FUT9: variants seen among roughly 807,000 people sequenced by gnomAD.
The protein encoded by FUT9 is fucosyltransferase 9.
FUT9 carries 15 observed loss-of-function variants against 29.7 expected under a neutral mutation model. The observed-to-expected ratio is 0.51, with a 90% confidence interval of 0.34 to 0.78. FUT9 has a LOEUF of 0.78. FUT9 is among the 30% of genes least tolerant of loss of function. The pLI is 0.01. For synonymous variants in FUT9, 169 were observed against 153.7 expected, an observed-to-expected ratio of 1.10 and a Z score of -0.74; for missense variants, 319 against 425.4, an observed-to-expected ratio of 0.75 and a Z score of 2.20.
intron 2 of FUT9, among the ~76,000 whole-genome samples, chr6:96,130,386 C>T (rs905976981): frequency 1.9e-4 from 29 of 151,930 alleles, no homozygotes; most frequent in African/African-American, 7.0e-4. Context: ...ATTAATAATG[C>T]CATTAGTTAT....
At chr6:96,159,788 C>T (rs530407592) in intron 2 of FUT9, among the ~76,000 whole-genome samples, 34 of 152,204 alleles carry the variant, frequency 2.2e-4, no homozygotes, top group Non-Finnish European at 3.8e-4. Flanking sequence ...CTCATATCAA[C>T]AGGATTCTAA....
intron 1 of FUT9, among the ~76,000 whole-genome samples, chr6:96,060,952 G>C (rs1770863528): frequency 6.6e-6 from 1 of 152,138 alleles, no homozygotes; most frequent in Non-Finnish European, 1.5e-5. Flanking sequence ...GTTTAAGAGA[G>C]TAAATCTGTT....
At chr6:96,173,943 GTTGA>G (rs903954510) in intron 2 of FUT9, among the ~76,000 whole-genome samples, 6 of 151,892 alleles carry the variant, frequency 4.0e-5, no homozygotes, top group Non-Finnish European at 4.4e-5. Flanking sequence ...ATTTATTTGT[GTTGA>G]TTGTTTTTTA....
chr6:96,209,873 T>C lies in FUT9; in HGVS notation c.*5638T>C, dbSNP rs1773901603. The C allele has an allele frequency of 1.2e-5, 2 of 166,488 alleles. No individual in the cohort carries two copies. The highest frequency in any genetic ancestry group is 2.9e-5 in the Non-Finnish European group (2 of 68,046). The allele number at this position is 166,488 out of a possible 1,614,324, so 10.3% of individuals were successfully genotyped here. A position where few individuals can be genotyped will look rare whatever the true frequency, so the allele number is the denominator to read the frequency against. The stretch of plus-strand genomic sequence containing the variant: ...GCCATGAAATTAGAATTTCTTCAAA[T>C]AATCCATGCCCCCCCGTCACCCAAA... On this transcript the variant is annotated 3_prime_UTR_variant, in exon 3 of 3. Transcript: ENST00000302103.
intron 1 of FUT9, among the ~76,000 whole-genome samples, chr6:96,074,690 A>G (rs1413793445): frequency 1.3e-5 from 2 of 152,194 alleles, no homozygotes; most frequent in Non-Finnish European, 2.9e-5. Flanking sequence ...AATTACCTTT[A>G]TCTCTAAAAC....
At chr6:96,016,602 T>A (rs1769983648) in intron 1 of FUT9, among the ~76,000 whole-genome samples, 1 of 152,130 alleles carries the variant, frequency 6.6e-6, no homozygotes. Flanking sequence ...TCACCCGATC[T>A]CGCGCTGACA....
chr6:96,070,274 G>GA (rs1184216317), intron 1 of FUT9, among the ~76,000 whole-genome samples: 3 of 152,062 alleles, frequency 2.0e-5, no homozygotes, highest in Non-Finnish European at 4.4e-5. Context: ...TTGAAATACA[G>GA]AAAAAAGACA....
chr6:96,028,976 C>T (rs1770215096), intron 1 of FUT9, among the ~76,000 whole-genome samples: 1 of 151,470 alleles, frequency 6.6e-6, no homozygotes. Context: ...GAAAGACTAT[C>T]AATCCCACCA....
At chr6:96,171,873 T>C (rs1246159405) in intron 2 of FUT9, among the ~76,000 whole-genome samples, 1 of 152,182 alleles carries the variant, frequency 6.6e-6, no homozygotes, top group Admixed American at 6.5e-5. Context: ...TTGAATTACC[T>C]AGCAGAATAA....
intron 1 of FUT9, among the ~76,000 whole-genome samples, chr6:96,099,411 T>C (rs971107002): frequency 6.6e-6 from 1 of 152,184 alleles, no homozygotes; most frequent in Non-Finnish European, 1.5e-5. Flanking sequence ...GTACATGCTA[T>C]TATGATTATT....
intron 2 of FUT9, among the ~76,000 whole-genome samples, chr6:96,129,264 C>CAAA (rs869216525): frequency 2.3e-4 from 3 of 13,314 alleles, no homozygotes; most frequent in African/African-American, 6.3e-4. Context: ...GACTCTGTCT[C>CAAA]AAAAAAAAAA....
intron 1 of FUT9, among the ~76,000 whole-genome samples, chr6:96,032,177 A>C (rs946396687): frequency 2.0e-5 from 3 of 151,672 alleles, no homozygotes; most frequent in African/African-American, 7.3e-5. Flanking sequence ...GATAATCTAC[A>C]GGAGAAATGT....
intron 1 of FUT9, among the ~76,000 whole-genome samples, chr6:96,107,454 G>A (rs1294653700): frequency 2.0e-5 from 3 of 152,130 alleles, no homozygotes; most frequent in Non-Finnish European, 4.4e-5. Flanking sequence ...GCTTTAGGAA[G>A]AATGTACAAG....
At chr6:96,049,439 G>A (rs1369075920) in intron 1 of FUT9, among the ~76,000 whole-genome samples, 3 of 152,226 alleles carry the variant, frequency 2.0e-5, no homozygotes, top group Non-Finnish European at 2.9e-5. Context: ...AATAAAGGAA[G>A]TATATCTTAG....
At chr6:96,120,591 CTTTTTTTTTTTT>C (rs57515226) in intron 2 of FUT9, among the ~76,000 whole-genome samples, 2 of 55,312 alleles carry the variant, frequency 3.6e-5, no homozygotes, top group African/African-American at 7.0e-5. Flanking sequence ...GCAAGACCAC[CTTTTTTTTTTTT>C]TTTTTTTTTT....
intron 2 of FUT9, among the ~76,000 whole-genome samples, chr6:96,196,409 C>T (rs4839815): frequency 0.91 from 138,858 of 152,126 alleles, 64,722 homozygotes; most frequent in Non-Finnish European, 1. Flanking sequence ...AATGATCTGA[C>T]CTAATAATAA....
intron 1 of FUT9, among the ~76,000 whole-genome samples, chr6:96,027,743 T>C (rs979085911): frequency 6.6e-6 from 1 of 151,666 alleles, no homozygotes; most frequent in Admixed American, 6.6e-5. Flanking sequence ...CTGGCTTTTA[T>C]TCTTTATTTG....
Position 96,203,619 on chromosome 6 carries a change from C to A in FUT9, c.464C>A (p.Thr155Asn). 1 of 1,614,008 alleles carries A rather than the reference C, an allele frequency of 6.2e-7. No individual in the cohort carries two copies. Among genetic ancestry groups the A allele is most frequent in the Non-Finnish European group, 8.5e-7 (1 of 1,179,980 alleles). The change falls in exon 3 of 3, where the codon ACT becomes AAT. Residue 155 changes from threonine (T) to asparagine (N), a missense_variant. By Grantham distance (65) the Thr-to-Asn change is moderately conservative. Coordinates refer to ENST00000302103, the MANE Select transcript of FUT9 (RefSeq NM_006581.4). ...KSGIEHLFNL[T>N]LTYRRDSDIQ... Reference sequence around the variant, plus strand: ...GGCATTGAGCACTTGTTTAACCTGACTCTGACTTACCGCCGTGATTCAGAT... The same window carrying A: ...GGCATTGAGCACTTGTTTAACCTGAATCTGACTTACCGCCGTGATTCAGAT...
At chr6:96,019,386 TA>T (rs1770032065) in intron 1 of FUT9, among the ~76,000 whole-genome samples, 1 of 152,048 alleles carries the variant, frequency 6.6e-6, no homozygotes, top group African/African-American at 2.4e-5. Flanking sequence ...TTTTTATAAG[TA>T]TTTGCATTTT....
Sources: gnomAD v4.1 joint callset for allele counts (sites outside exome capture counted in the v4.1 genomes callset) on GRCh38, gnomAD v4.1.1 for gene constraint, MANE v1.5 for transcripts, NCBI Gene and HGNC (gene_info 2026-07-23, HGNC 2026-07-21) for gene names.